Variants in TCF12 observed in about 807,000 individuals in gnomAD.
The protein encoded by TCF12 is DNA-binding protein HTF4.
Under a neutral mutation model 86.0 loss-of-function variants are expected in TCF12, and 45 were observed. The ratio of observed to expected loss-of-function variants is 0.52; its 90% CI spans 0.41 to 0.67. TCF12 has a LOEUF of 0.67. Ranked by LOEUF, TCF12 falls within the 30% of genes least tolerant of loss-of-function variation. TCF12 has a pLI of 0.00. For synonymous variants in TCF12, 330 were observed against 299.6 expected (o/e 1.10, Z -1.05); for missense variants, 881 against 859.9 (o/e 1.02, Z -0.31).
chr15:56,964,561 T>C (rs1347202247), intron 3 of TCF12, among the ~76,000 whole-genome samples: 4 of 152,222 alleles, frequency 2.6e-5, no homozygotes, highest in African/African-American at 9.6e-5. Flanking sequence ...ACTCAAGTTT[T>C]ACTTTTGTCA....
At chr15:56,999,410 C>G (rs1461669441) in intron 3 of TCF12, among the ~76,000 whole-genome samples, 1 of 958 alleles carries the variant, frequency 1.0e-3, no homozygotes, top group Non-Finnish European at 3.9e-3. Flanking sequence ...TATCAGCAAC[C>G]AAACGGGATA....
chr15:56,951,107 A>G (rs1447852201), intron 3 of TCF12, among the ~76,000 whole-genome samples: 2 of 152,140 alleles, frequency 1.3e-5, no homozygotes, highest in Non-Finnish European at 2.9e-5. Flanking sequence ...TATGGTAGAT[A>G]TATCTTCAAC....
At position 57,181,295 on chromosome 15, in the gene TCF12, C is replaced by G. The variant is rs140036500; in HGVS notation, c.391-10863C>G. ...TTTTATTTTTTGGTCTCACTGTGTT[C>G]CCCCGACTGACCTCAAACTCCGAGG... On this transcript the variant is annotated intron_variant, in intron 6 of 20. Coordinates refer to ENST00000333725, the MANE Select transcript of TCF12 (RefSeq NM_207037.2). Among the ~76,000 whole-genome samples the G allele has an allele frequency of 9.9e-4, 150 of 151,916 alleles. 6 individuals are homozygous for G. In the East Asian group the frequency reaches 0.025, roughly 26 times the overall value.
rs536032526 is a variant in TCF12, at chr15:57,262,568, A to G, written c.1582+360A>G. 9.8e-5 allele frequency among the ~76,000 whole-genome samples: 15 copies of G among 152,302 alleles called. No homozygotes were observed. In the East Asian group the frequency reaches 2.9e-3, roughly 29 times the overall value. The stretch of plus-strand genomic sequence containing the variant: ...CTGATTATACTGAGAGCTCCGAATG[A>G]TGGAAGCTGTTGTTTTAGAGATTAT... On this transcript the variant is annotated intron_variant, in intron 17 of 20. Transcript: ENST00000333725.
At chr15:57,121,418 CCCTCA>C (rs1206724361) in intron 5 of TCF12, among the ~76,000 whole-genome samples, 2 of 152,174 alleles carry the variant, frequency 1.3e-5, no homozygotes, top group East Asian at 3.8e-4. Flanking sequence ...TGAAATTTAA[CCCTCA>C]ATGCAACAGT....
At chr15:57,193,284 A>T (rs909787882) in intron 7 of TCF12, among the ~76,000 whole-genome samples, 1 of 152,222 alleles carries the variant, frequency 6.6e-6, no homozygotes, top group African/African-American at 2.4e-5. Context: ...TAAATTTACC[A>T]TATTAAGTTG....
chr15:57,273,348 G>A (rs1210053063), intron 19 of TCF12, 86 bp downstream of exon 19: 5 of 1,385,638 alleles, frequency 3.6e-6, no homozygotes, highest in East Asian at 2.3e-5. Flanking sequence ...GCTTGGAGAA[G>A]TTGTTTGTTA....
intron 6 of TCF12, among the ~76,000 whole-genome samples, chr15:57,174,764 G>A (rs1408265932): frequency 6.6e-6 from 1 of 152,130 alleles, no homozygotes; most frequent in Admixed American, 6.5e-5. Flanking sequence ...TAACAGAATA[G>A]TACTGCTTAT....
At chr15:57,016,291 A>G (rs2435905) in intron 3 of TCF12, among the ~76,000 whole-genome samples, 37,750 of 152,180 alleles carry the variant, frequency 0.25, 4,804 homozygotes, top group African/African-American at 0.28. Flanking sequence ...GACAGATTAC[A>G]AGGTAGATTC....
At chr15:57,051,806 G>C (rs2067640774) in intron 3 of TCF12, among the ~76,000 whole-genome samples, 1 of 152,122 alleles carries the variant, frequency 6.6e-6, no homozygotes, top group Non-Finnish European at 1.5e-5. Flanking sequence ...TCCATTTTCA[G>C]TTGAATTTTT....
chr15:57,279,510 A>G (rs1281133092), intron 19 of TCF12, among the ~76,000 whole-genome samples: 1 of 152,212 alleles, frequency 6.6e-6, no homozygotes, highest in Admixed American at 6.5e-5. Flanking sequence ...ACCAAGAGGT[A>G]TGAAAGAGTA....
rs1234517318 is a variant in TCF12, at chr15:56,919,875, C to G, written c.-22-17C>G. On this transcript the variant is annotated splice_polypyrimidine_tract_variant and intron_variant, in intron 1 of 20. Transcript: ENST00000333725. ...GGCCTCGGTGGTCTCTCGCTGAGCCCGTTTCCTCTGCCCTAGGACCTGCTA... is the reference window on the plus strand; with the variant it reads ...GGCCTCGGTGGTCTCTCGCTGAGCCGGTTTCCTCTGCCCTAGGACCTGCTA... The G allele has an allele frequency of 8.1e-6, 13 of 1,610,820 alleles. No homozygotes were observed. The highest frequency in any genetic ancestry group is 4.5e-5 in the East Asian group (2 of 44,800).
At chr15:57,021,872 G>A (rs1016213565) in intron 3 of TCF12, among the ~76,000 whole-genome samples, 1 of 151,892 alleles carries the variant, frequency 6.6e-6, no homozygotes, top group Non-Finnish European at 1.5e-5. Flanking sequence ...TGCTGATTTT[G>A]GTATGTGCAG....
At chr15:57,185,379 C>G (rs1358269737) in intron 6 of TCF12, among the ~76,000 whole-genome samples, 2 of 152,102 alleles carry the variant, frequency 1.3e-5, no homozygotes, top group Non-Finnish European at 2.9e-5. Context: ...TAGCAGAAGC[C>G]TTAATCAGAG....
intron 13 of TCF12, among the ~76,000 whole-genome samples, chr15:57,243,839 G>A (rs1445622427): frequency 6.6e-6 from 1 of 152,104 alleles, no homozygotes; most frequent in Non-Finnish European, 1.5e-5. Flanking sequence ...CAATTGGAAT[G>A]AAGATAAAAT....
At chr15:57,026,221 A>G (rs1326488101) in intron 3 of TCF12, among the ~76,000 whole-genome samples, 6 of 152,240 alleles carry the variant, frequency 3.9e-5, no homozygotes, top group Non-Finnish European at 8.8e-5. Context: ...CTGTATTCCA[A>G]CAAAACCTTA....
At chr15:57,111,994 G>A (rs1026588310) in intron 5 of TCF12, among the ~76,000 whole-genome samples, 3 of 152,250 alleles carry the variant, frequency 2.0e-5, no homozygotes, top group East Asian at 3.9e-4. Context: ...ACTTCTTTTA[G>A]ATTACCAAAG....
intron 3 of TCF12, among the ~76,000 whole-genome samples, chr15:57,038,533 G>C (rs1192869862): frequency 6.6e-6 from 1 of 152,160 alleles, no homozygotes; most frequent in Non-Finnish European, 1.5e-5. Context: ...CACAGATTGA[G>C]TCTTTGGCTT....
chr15:56,929,771 A>G (rs1226245905), intron 3 of TCF12, among the ~76,000 whole-genome samples: 1 of 152,136 alleles, frequency 6.6e-6, no homozygotes, highest in Non-Finnish European at 1.5e-5. Flanking sequence ...AAAAACCACT[A>G]CTACCATAAC....
Sources: gnomAD v4.1 joint callset for allele counts (sites outside exome capture counted in the v4.1 genomes callset) on GRCh38, gnomAD v4.1.1 for gene constraint, MANE v1.5 for transcripts, NCBI Gene and HGNC (gene_info 2026-07-23, HGNC 2026-07-21) for gene names.